The following SCAF11 variants were observed in gnomAD, a reference collection of about 807,000 sequenced individuals.
SCAF11 encodes SR-related CTD associated factor 11.
SCAF11 carries 47 observed loss-of-function variants against 140.5 expected under a neutral mutation model. The observed-to-expected ratio is 0.33, with a 90% CI of 0.26 to 0.43. The LOEUF (loss-of-function observed/expected upper bound fraction) is 0.43, where lower values mean the gene tolerates loss of function less well. Among genes scored for constraint, SCAF11 ranks in the 20% least tolerant of loss-of-function variants. The pLI is 1.00. For synonymous variants in SCAF11, 557 were observed against 579.4 expected (o/e 0.96, Z 0.55); for missense variants, 1,645 against 1,705.1 (o/e 0.96, Z 0.62).
Position 45,930,445 on chromosome 12 carries a change from G to GTTTTTTT in SCAF11, c.841+1054_841+1060dup, listed in dbSNP as rs1262102132. The stretch of plus-strand genomic sequence containing the variant: ...TAAACCAGGTTTTGCGTTGTGTTTT[G>GTTTTTTT]TTTTTTTTTTGTTTTTTTTTTTTTT... On this transcript the variant is annotated intron_variant, in intron 10 of 14. Coordinates refer to ENST00000369367, the MANE Select transcript of SCAF11 (RefSeq NM_004719.3). 7.0e-4 allele frequency among the ~76,000 whole-genome samples: 86 copies of GTTTTTTT among 123,634 alleles called. 1 individual carries two copies. Among genetic ancestry groups the GTTTTTTT allele is most frequent in the African/African-American group, 2.8e-3 (79 of 28,670 alleles). The allele number at this position is 123,634 out of a possible 152,430, so 81.1% of individuals were successfully genotyped here.
intron 1 of SCAF11, among the ~76,000 whole-genome samples, chr12:45,967,348 A>T (rs117507015): frequency 0.013 from 2,011 of 152,354 alleles, 18 homozygotes; most frequent in Non-Finnish European, 0.023. Context: ...CTTTGTTAGA[A>T]ATCTGCCTTA....
chr12:45,971,994 A>G (rs1217126062), intron 1 of SCAF11, among the ~76,000 whole-genome samples: 3 of 152,166 alleles, frequency 2.0e-5, no homozygotes, highest in Non-Finnish European at 4.4e-5. Context: ...TACCATGGAT[A>G]TAACAGAGAG....
intron 3 of SCAF11, among the ~76,000 whole-genome samples, chr12:45,958,278 T>C (rs563772461): frequency 1.4e-4 from 21 of 152,334 alleles, no homozygotes; most frequent in Admixed American, 2.6e-4. Context: ...AAATCATAAT[T>C]GTCACTACTA....
intron 4 of SCAF11, 33 bp downstream of exon 4, chr12:45,951,617 A>T: frequency 7.3e-7 from 1 of 1,365,230 alleles, no homozygotes; most frequent in Non-Finnish European, 1.0e-6. Context: ...ATTAATTTTT[A>T]TATAATTCAT....
chr12:45,939,698 C>T (rs955059022), intron 6 of SCAF11, among the ~76,000 whole-genome samples: 3 of 152,166 alleles, frequency 2.0e-5, no homozygotes, highest in Admixed American at 6.5e-5. Flanking sequence ...GGCAACAAGA[C>T]CGAAACTCCA....
At position 45,925,075 on chromosome 12, in the gene SCAF11, C is replaced by A; in HGVS notation, c.3560-1G>T. The A allele has an allele frequency of 6.3e-7, 1 of 1,587,536 alleles. No individual in the cohort carries two copies. The highest frequency in any genetic ancestry group is 1.8e-5 in the Admixed American group (1 of 55,292). On this transcript the variant is annotated splice_acceptor_variant, in intron 11 of 14. Transcript: ENST00000369367. LOFTEE classifies it high-confidence loss of function. ...TTTGTTTGGTCTTTTAGGCTAGAATCTATCAAAAGAAAAAAAGCTTGTGAA... is the reference window on the plus strand; with the variant it reads ...TTTGTTTGGTCTTTTAGGCTAGAATATATCAAAAGAAAAAAAGCTTGTGAA...
chr12:45,920,653 G>C lies in SCAF11; in HGVS notation c.*1395C>G, dbSNP rs1443928911. The C allele has an allele frequency of 1.3e-5, 2 of 151,328 alleles. No homozygotes were observed. The highest frequency in any genetic ancestry group is 3.9e-4 in the East Asian group (2 of 5,178). 9.4% of individuals were successfully genotyped at this position (151,328 alleles called of 1,614,324 possible). A position where few individuals can be genotyped will look rare whatever the true frequency, so the allele number is the denominator to read the frequency against. On this transcript the variant is annotated 3_prime_UTR_variant, in exon 15 of 15. Coordinates refer to ENST00000369367, the MANE Select transcript of SCAF11 (RefSeq NM_004719.3). The stretch of plus-strand genomic sequence containing the variant: ...CCCTAATCCCTGAAAGGCTAACCAG[G>C]ACTCCATTATTTAAATTTCCCCTCT...
At chr12:45,984,452 T>TAA (rs1372589017) in intron 1 of SCAF11, among the ~76,000 whole-genome samples, 4 of 152,230 alleles carry the variant, frequency 2.6e-5, no homozygotes, top group African/African-American at 9.6e-5. Context: ...GTTTGTCTCA[T>TAA]TACTGATGAT....
intron 1 of SCAF11, among the ~76,000 whole-genome samples, chr12:45,965,617 A>T (rs1945927091): frequency 6.6e-6 from 1 of 152,198 alleles, no homozygotes; most frequent in South Asian, 2.1e-4. Context: ...CCTGGCCTTA[A>T]ATCAACTCTT....
chr12:45,941,888 C>A (rs1049773673), intron 6 of SCAF11, among the ~76,000 whole-genome samples: 28 of 152,144 alleles, frequency 1.8e-4, no homozygotes, highest in African/African-American at 6.0e-4. Flanking sequence ...GCCTCTCCTG[C>A]CTCCCCTTCC....
At chr12:45,964,027 T>C (rs1945882766) in intron 2 of SCAF11, 80 bp downstream of exon 2, 4 of 722,512 alleles carry the variant, frequency 5.5e-6, no homozygotes, top group Non-Finnish European at 9.3e-6. Flanking sequence ...TCCTGTGTAT[T>C]CTGAAATGTA....
chr12:45,928,618 T>C lies in SCAF11; in HGVS notation c.1083A>G (p.Ser361=), dbSNP rs746798137. ...GTCTTGTTTGCTTTTCTGACTCAGC[T>C]GAAGAGGGAACACTTAAAGATGGAT... ...NSNPSLSVPS[S]AESEKQTRQA... is the part of the protein sequence containing the mutation. Residue 361 remains serine (S), a synonymous_variant, in exon 11 of 15, where the codon TCA becomes TCG. Transcript: ENST00000369367. The C allele has an allele frequency of 2.5e-6, 4 of 1,614,160 alleles. No homozygotes were observed. In the South Asian group the frequency reaches 3.3e-5, roughly 13 times the overall value.
intron 1 of SCAF11, among the ~76,000 whole-genome samples, chr12:45,971,908 G>A (rs1946082905): frequency 6.6e-6 from 1 of 152,056 alleles, no homozygotes; most frequent in African/African-American, 2.4e-5. Flanking sequence ...TCCAGACACA[G>A]TTACAGAAAA....
upstream of SCAF11, chr12:45,990,651 T>C: frequency 8.8e-7 from 1 of 1,141,074 alleles, no homozygotes; most frequent in Admixed American, 4.3e-5. Flanking sequence ...CTTCCCTCGC[T>C]GTCGGCGCGC....
chr12:45,953,617 T>C (rs950757756), intron 3 of SCAF11, among the ~76,000 whole-genome samples: 10 of 152,178 alleles, frequency 6.6e-5, no homozygotes, highest in Admixed American at 4.6e-4. Flanking sequence ...TTCAAAATGT[T>C]TTTTATTCCT....
rs758790487 is a variant in SCAF11, at chr12:45,923,201, A to G, written c.3907-47T>C. ...AGTTAATGAATTACTTGTACTCGAT[A>G]GAAGTCTTTTAGTGATGCATTAGAA... On this transcript the variant is annotated intron_variant, in intron 12 of 14. Transcript: ENST00000369367. 8 of 1,532,394 alleles carry G rather than the reference A, an allele frequency of 5.2e-6. No homozygotes were observed. In the East Asian group the frequency reaches 1.6e-4, roughly 30 times the overall value. 94.9% of individuals were successfully genotyped at this position (1,532,394 alleles called of 1,614,324 possible).
intron 3 of SCAF11, chr12:45,953,803 G>C (rs1307412013): frequency 3.2e-6 from 2 of 632,848 alleles, no homozygotes; most frequent in Non-Finnish European, 4.9e-6. Context: ...AACCTTATTT[G>C]TGAAAATGAG....
intron 6 of SCAF11, among the ~76,000 whole-genome samples, chr12:45,943,674 G>A (rs1945357909): frequency 6.6e-6 from 1 of 152,066 alleles, no homozygotes; most frequent in African/African-American, 2.4e-5. Flanking sequence ...AATCAGTCCA[G>A]GTTGGTCAGT....
rs921429364 is a variant in SCAF11, at chr12:45,920,324, A to T, written c.*1724T>A. On this transcript the variant is annotated 3_prime_UTR_variant, in exon 15 of 15. Transcript: ENST00000369367. ...ATGCACATAAAATTGAGAAACAGATAATCTTTACTTTAGAAAAGCACAGTT... is the reference window on the plus strand; with the variant it reads ...ATGCACATAAAATTGAGAAACAGATTATCTTTACTTTAGAAAAGCACAGTT... 5.9e-5 allele frequency: 9 copies of T among 152,206 alleles called. No homozygotes were observed. The highest frequency in any genetic ancestry group is 2.2e-4 in the African/African-American group (9 of 41,462). The allele number at this position is 152,206 out of a possible 1,614,324, so 9.4% of individuals were successfully genotyped here.
Sources: allele counts gnomAD v4.1 joint callset (sites outside exome capture counted in the v4.1 genomes callset), GRCh38; gene constraint gnomAD v4.1.1; transcripts MANE v1.5; gene names NCBI Gene and HGNC (gene_info 2026-07-23, HGNC 2026-07-21).